The following DPP6 variants were observed in gnomAD, a reference collection of about 807,000 sequenced individuals.
DPP6 encodes the protein A-type potassium channel modulatory protein DPP6.
DPP6 carries 69 observed loss-of-function variants against 122.6 expected under a neutral mutation model. That is an observed-to-expected ratio of 0.56 (90% CI 0.46 to 0.69). DPP6 has a LOEUF of 0.69. Among genes scored for constraint, DPP6 ranks in the 30% least tolerant of loss-of-function variants. The probability of loss-of-function intolerance (pLI) is 0.00; values close to 1 mark genes in which losing one functional copy is unlikely to be tolerated. For synonymous variants in DPP6, 418 were observed against 433.1 expected, an observed-to-expected ratio of 0.97 and a Z score of 0.43; for missense variants, 928 against 1,116.9, an observed-to-expected ratio of 0.83 and a Z score of 2.41.
At chr7:153,870,412 C>T in the DPP6 span, among the ~76,000 whole-genome samples, 2 of 152,182 alleles carry the variant, frequency 1.3e-5, no homozygotes, top group Admixed American at 6.5e-5. Flanking sequence ...TGTCTTCCAT[C>T]GCTGATACTC....
At chr7:154,140,108 A>G (rs1795770695) in intron 1 of DPP6, among the ~76,000 whole-genome samples, 1 of 152,140 alleles carries the variant, frequency 6.6e-6, no homozygotes, top group South Asian at 2.1e-4. Context: ...TCCTGCTTCT[A>G]TCCAGCCCCT....
chr7:154,290,746 C>T (rs1010443911), intron 1 of DPP6, among the ~76,000 whole-genome samples: 1 of 152,092 alleles, frequency 6.6e-6, no homozygotes, highest in African/African-American at 2.4e-5. Flanking sequence ...CTGGTGTTCC[C>T]GCGGGGCTTC....
intron 1 of DPP6, among the ~76,000 whole-genome samples, chr7:154,157,246 G>A (rs1053451197): frequency 3.2e-4 from 49 of 152,222 alleles, no homozygotes; most frequent in Non-Finnish European, 6.5e-4. Context: ...ATCAGATAGT[G>A]ATAACCCAGT....
intron 1 of DPP6, among the ~76,000 whole-genome samples, chr7:154,264,165 G>A (rs1051508257): frequency 6.6e-6 from 1 of 152,172 alleles, no homozygotes. Flanking sequence ...TGTGAGAGGT[G>A]CATTTTATTC....
intron 1 of DPP6, among the ~76,000 whole-genome samples, chr7:154,371,428 AAAAC>A (rs1393602315): frequency 1.3e-5 from 2 of 151,856 alleles, no homozygotes; most frequent in Non-Finnish European, 2.9e-5. Context: ...AAAGACAGAA[AAAAC>A]AAACAAAAAA....
intron 5 of DPP6, among the ~76,000 whole-genome samples, chr7:154,599,019 G>A (rs1586710701): frequency 1.3e-5 from 2 of 152,238 alleles, no homozygotes; most frequent in South Asian, 2.1e-4. Context: ...GCAGCAGTAG[G>A]TTTCAGCTCT....
intron 5 of DPP6, among the ~76,000 whole-genome samples, chr7:154,610,574 T>G (rs1833845119): frequency 6.6e-6 from 1 of 152,210 alleles, no homozygotes; most frequent in Non-Finnish European, 1.5e-5. Context: ...AATGGCATAT[T>G]GCTTCTACGG....
intron 1 of DPP6, among the ~76,000 whole-genome samples, chr7:154,076,517 G>A (rs1458422037): frequency 1.3e-5 from 2 of 150,662 alleles, no homozygotes; most frequent in Admixed American, 1.3e-4. Context: ...ATAGGAAAAG[G>A]GAAGAGCAGA....
chr7:153,949,298 G>A (rs188214705), intron 1 of DPP6, among the ~76,000 whole-genome samples: 27 of 152,316 alleles, frequency 1.8e-4, no homozygotes, highest in Non-Finnish European at 3.4e-4. Flanking sequence ...CATAGGCCCC[G>A]TGGCCCCTTG....
chr7:154,551,763 C>T (rs1428338074), intron 4 of DPP6, among the ~76,000 whole-genome samples: 1 of 152,002 alleles, frequency 6.6e-6, no homozygotes, highest in Non-Finnish European at 1.5e-5. Context: ...TTCCAAAAAT[C>T]TCTGCCTAAG....
chr7:154,478,293 G>T (rs1277373192), intron 3 of DPP6, among the ~76,000 whole-genome samples: 1 of 152,064 alleles, frequency 6.6e-6, no homozygotes, highest in Non-Finnish European at 1.5e-5. Flanking sequence ...ATTTTTGAGT[G>T]CCCACAGTGT....
At chr7:153,814,862 T>C in the DPP6 span, among the ~76,000 whole-genome samples, 215 of 151,680 alleles carry the variant, frequency 1.4e-3, no homozygotes, top group Non-Finnish European at 2.5e-3. Context: ...AGAAACCACA[T>C]GATTATCTCA....
At chr7:153,913,825 G>A (rs951964810) in intron 1 of DPP6, among the ~76,000 whole-genome samples, 1 of 152,170 alleles carries the variant, frequency 6.6e-6, no homozygotes, top group Non-Finnish European at 1.5e-5. Flanking sequence ...GTAAGGGGGG[G>A]AAGAGGGCTT....
the DPP6 span, among the ~76,000 whole-genome samples, chr7:153,846,891 G>T: frequency 1.3e-5 from 2 of 151,664 alleles, no homozygotes; most frequent in Non-Finnish European, 1.5e-5. Flanking sequence ...TAGAGATGGG[G>T]TTTCACCCTG....
At chr7:154,036,687 G>A (rs1043703348) in intron 1 of DPP6, among the ~76,000 whole-genome samples, 12 of 151,674 alleles carry the variant, frequency 7.9e-5, no homozygotes, top group Non-Finnish European at 1.0e-4. Flanking sequence ...CATTTTACCC[G>A]TTCAAGCAAG....
At chr7:154,577,994 C>G (rs1436421514) in intron 5 of DPP6, among the ~76,000 whole-genome samples, 1 of 152,146 alleles carries the variant, frequency 6.6e-6, no homozygotes, top group Non-Finnish European at 1.5e-5. Flanking sequence ...ACGACCAATT[C>G]CATTTGTGAT....
At chr7:154,012,000 A>ATGTT (rs1798175491) in intron 1 of DPP6, among the ~76,000 whole-genome samples, 1 of 152,228 alleles carries the variant, frequency 6.6e-6, no homozygotes, top group Admixed American at 6.5e-5. Context: ...AACACCTATC[A>ATGTT]CTAAGCACTT....
At chr7:154,350,071 A>C (rs6973245) in intron 1 of DPP6, among the ~76,000 whole-genome samples, 4,274 of 152,302 alleles carry the variant, frequency 0.028, 118 homozygotes, top group African/African-American at 0.064. Flanking sequence ...TCAGTCAGAC[A>C]GATGAACCGT....
At chr7:154,372,704 A>G (rs1812777973) in intron 1 of DPP6, among the ~76,000 whole-genome samples, 1 of 152,358 alleles carries the variant, frequency 6.6e-6, no homozygotes, top group African/African-American at 2.4e-5. Flanking sequence ...AAAACTTTTC[A>G]TTGGAAGCAA....
Sources: allele counts gnomAD v4.1 joint callset (sites outside exome capture counted in the v4.1 genomes callset), GRCh38; gene constraint gnomAD v4.1.1; transcripts MANE v1.5; gene names NCBI Gene and HGNC (gene_info 2026-07-23, HGNC 2026-07-21).